Variants in BFAR observed in about 807,000 individuals in gnomAD.
BFAR encodes the protein bifunctional apoptosis regulator.
BFAR carries 52 observed loss-of-function variants against 54.4 expected under a neutral mutation model. That is an observed-to-expected ratio of 0.96 (90% CI 0.77 to 1.21). BFAR has a LOEUF of 1.21. Ranked by LOEUF, BFAR falls within the 50% of genes most tolerant of loss-of-function variation. The probability of loss-of-function intolerance (pLI) is 0.00; values close to 1 mark genes in which losing one functional copy is unlikely to be tolerated. For missense variants in BFAR, 571 were observed against 534.0 expected, an observed-to-expected ratio of 1.07 and a Z score of -0.68; for synonymous variants, 215 against 204.3, an observed-to-expected ratio of 1.05 and a Z score of -0.45.
intron 5 of BFAR, among the ~76,000 whole-genome samples, chr16:14,659,225 G>GTTTTTTTTTTTTTTTTTTTTTTT (rs1295639386): frequency 7.1e-6 from 1 of 141,304 alleles, no homozygotes; most frequent in Non-Finnish European, 1.6e-5. Context: ...ATGCAATTTG[G>GTTTTTTTTTTTTTTTTTTTTTTT]TTTTTTTTGT....
chr16:14,647,226 A>C (rs1182654839), intron 2 of BFAR, among the ~76,000 whole-genome samples: 1 of 151,970 alleles, frequency 6.6e-6, no homozygotes, highest in African/African-American at 2.4e-5. Flanking sequence ...CTGGGATTAC[A>C]GGCGCCCACC....
intron 4 of BFAR, among the ~76,000 whole-genome samples, chr16:14,652,473 G>T (rs1376722942): frequency 6.6e-6 from 1 of 151,490 alleles, no homozygotes; most frequent in East Asian, 1.9e-4. Flanking sequence ...TAGAGATGGG[G>T]TTTCGCCATG....
At chr16:14,640,855 C>T (rs911109176) in intron 1 of BFAR, among the ~76,000 whole-genome samples, 5 of 152,158 alleles carry the variant, frequency 3.3e-5, no homozygotes, top group African/African-American at 7.2e-5. Context: ...GAAACATGGA[C>T]GTACCATACA....
At chr16:14,659,536 GT>G (rs1960231071) in intron 5 of BFAR, among the ~76,000 whole-genome samples, 1 of 148,762 alleles carries the variant, frequency 6.7e-6, no homozygotes, top group South Asian at 2.2e-4. Context: ...GAGCCACCAT[GT>G]CCGGCCTCTA....
chr16:14,640,280 G>T (rs962695288), intron 1 of BFAR, among the ~76,000 whole-genome samples: 1 of 152,126 alleles, frequency 6.6e-6, no homozygotes, highest in African/African-American at 2.4e-5. Flanking sequence ...CTTGGAAGAA[G>T]GCATCACATT....
At chr16:14,636,229 G>A (rs34675252) in intron 1 of BFAR, among the ~76,000 whole-genome samples, 4,504 of 152,256 alleles carry the variant, frequency 0.03, 98 homozygotes, top group Non-Finnish European at 0.049. Flanking sequence ...AAGACACAAA[G>A]TATAGAGAAA....
intron 2 of BFAR, 61 bp downstream of exon 2, chr16:14,644,670 T>A: frequency 1.0e-5 from 6 of 588,086 alleles, no homozygotes; most frequent in Non-Finnish European, 1.4e-5. Context: ...CTCTCTTGCT[T>A]TTTTTTTTTT....
chr16:14,645,002 C>G (rs1483118446), intron 2 of BFAR, among the ~76,000 whole-genome samples: 1 of 152,150 alleles, frequency 6.6e-6, no homozygotes, highest in South Asian at 2.1e-4. Flanking sequence ...GTCTGGTTAG[C>G]AGACCGTTGC....
At chr16:14,638,041 A>T (rs1875302382) in intron 1 of BFAR, among the ~76,000 whole-genome samples, 1 of 152,144 alleles carries the variant, frequency 6.6e-6, no homozygotes, top group Admixed American at 6.6e-5. Flanking sequence ...TAGCCTAACC[A>T]GAGGCCCATG....
chr16:14,647,230 G>A (rs1442792492), intron 2 of BFAR, among the ~76,000 whole-genome samples: 7 of 151,902 alleles, frequency 4.6e-5, no homozygotes, highest in Non-Finnish European at 5.9e-5. Flanking sequence ...GATTACAGGC[G>A]CCCACCACCA....
intron 1 of BFAR, among the ~76,000 whole-genome samples, chr16:14,635,448 A>C (rs923050964): frequency 7.9e-5 from 12 of 152,172 alleles, no homozygotes; most frequent in Admixed American, 2.0e-4. Flanking sequence ...AACTAACCAT[A>C]GTTTTTGATA....
chr16:14,663,774 ATGT>A (rs923084976), intron 6 of BFAR, among the ~76,000 whole-genome samples: 2 of 152,114 alleles, frequency 1.3e-5, no homozygotes, highest in Non-Finnish European at 2.9e-5. Context: ...ACCATAGCCA[ATGT>A]TGAATTTAGG....
rs148268157 is a variant in BFAR, at chr16:14,649,809, C to T, written c.474C>T (p.Val158=). ...VLTALTGVAV[V]LLVYHWSSRE... ...TCCCTGTCACTTTTCCCCAGGTGGT[C>T]CTGCTCGTCTATCACTGGAGCAGCA... The change falls in exon 4 of 8, where the codon GTC becomes GTT. Residue 158 remains valine (V), a synonymous_variant. Coordinates refer to ENST00000261658, the MANE Select transcript of BFAR (RefSeq NM_016561.3). 1.2e-3 allele frequency: 1,914 copies of T among 1,600,340 alleles called. 5 individuals are homozygous for T. Among genetic ancestry groups the T allele is most frequent in the Non-Finnish European group, 1.5e-3 (1,718 of 1,171,294 alleles).
At chr16:14,633,174 G>C (rs1959311975) in intron 1 of BFAR, 156 bp downstream of exon 1, 1 of 152,302 alleles carries the variant, frequency 6.6e-6, no homozygotes, top group African/African-American at 2.4e-5. Flanking sequence ...CCCGAGTCCT[G>C]AGCATCCCCA....
intron 1 of BFAR, among the ~76,000 whole-genome samples, chr16:14,641,517 C>T (rs2151835941): frequency 6.6e-6 from 1 of 150,760 alleles, no homozygotes; most frequent in Admixed American, 6.6e-5. Flanking sequence ...CGCCCCTGCA[C>T]TCCAGCCTGG....
At chr16:14,658,106 G>T (rs1960179283) in intron 5 of BFAR, among the ~76,000 whole-genome samples, 1 of 152,130 alleles carries the variant, frequency 6.6e-6, no homozygotes, top group African/African-American at 2.4e-5. Context: ...GGTTTAATAG[G>T]CAAAAGTAAG....
intron 2 of BFAR, among the ~76,000 whole-genome samples, chr16:14,644,979 GGAAA>G (rs1469911384): frequency 2.0e-5 from 3 of 152,082 alleles, no homozygotes; most frequent in Non-Finnish European, 4.4e-5. Context: ...TATGAATGAA[GGAAA>G]GAAAGAAAGT....
At chr16:14,634,140 T>C (rs1959357456) in intron 1 of BFAR, among the ~76,000 whole-genome samples, 1 of 152,136 alleles carries the variant, frequency 6.6e-6, no homozygotes, top group Non-Finnish European at 1.5e-5. Context: ...AGCCCATTGG[T>C]CGGTCCTTTG....
At chr16:14,649,590 C>T (rs578121240) in intron 3 of BFAR, among the ~76,000 whole-genome samples, 203 of 152,282 alleles carry the variant, frequency 1.3e-3, no homozygotes, top group African/African-American at 4.6e-3. Flanking sequence ...CTCACTGCCA[C>T]GCAATCAGCA....
Sources: gnomAD v4.1 joint callset for allele counts (sites outside exome capture counted in the v4.1 genomes callset) on GRCh38, gnomAD v4.1.1 for gene constraint, MANE v1.5 for transcripts, NCBI Gene and HGNC (gene_info 2026-07-23, HGNC 2026-07-21) for gene names.